Variants in ANKRD28 observed in about 807,000 individuals in gnomAD.
ANKRD28 encodes the protein serine/threonine-protein phosphatase 6 regulatory ankyrin repeat subunit A.
A neutral mutation model predicts 126.5 loss-of-function variants in ANKRD28; 44 were observed. That is an observed-to-expected ratio of 0.35 (90% CI 0.27 to 0.45). The LOEUF (loss-of-function observed/expected upper bound fraction) is 0.45, where lower values mean the gene tolerates loss of function less well. ANKRD28 is among the 20% of genes least tolerant of loss of function. The pLI is 1.00. For synonymous variants in ANKRD28, 442 were observed against 468.5 expected (o/e 0.94, Z 0.73); for missense variants, 1,110 against 1,316.6 (o/e 0.84, Z 2.43).
chr3:15,813,353 G>A (rs773475781), intron 1 of ANKRD28, among the ~76,000 whole-genome samples: 4 of 152,102 alleles, frequency 2.6e-5, no homozygotes, highest in Non-Finnish European at 5.9e-5. Context: ...GGGCAACAGT[G>A]AGACCTTGTT....
intron 6 of ANKRD28, among the ~76,000 whole-genome samples, chr3:15,730,893 T>C (rs2074543207): frequency 6.6e-6 from 1 of 152,286 alleles, no homozygotes; most frequent in Admixed American, 6.5e-5. Context: ...GATTAGGCAA[T>C]AAGGGCTCTG....
At chr3:15,715,464 T>A (rs2072893370) in intron 8 of ANKRD28, among the ~76,000 whole-genome samples, 1 of 152,254 alleles carries the variant, frequency 6.6e-6, no homozygotes, top group Admixed American at 6.5e-5. Context: ...TAGAACATCA[T>A]AAGTATCTAC....
Position 15,815,779 on chromosome 3 carries a change from T to G in ANKRD28, c.28-20473A>C, listed in dbSNP as rs933853650. Among the ~76,000 whole-genome samples the G allele has an allele frequency of 6.6e-6, 1 of 152,208 alleles. No individual in the cohort carries two copies. Among genetic ancestry groups the G allele is most frequent in the African/African-American group, 2.4e-5 (1 of 41,450 alleles). On this transcript the variant is annotated intron_variant, in intron 1 of 27. Coordinates refer to the ANKRD28 transcript ENST00000399451. The surrounding 1 kb of genome is among the most constrained non-coding windows in gnomAD (Gnocchi z 4.1). Reference sequence around the variant, plus strand: ...ACATAAAAATCTGTTATTTCTTCCCTTGTCAAAATTATTTATGAACAAATC... The same window carrying G: ...ACATAAAAATCTGTTATTTCTTCCCGTGTCAAAATTATTTATGAACAAATC...
In ANKRD28 at chr3:15,823,348, A is replaced by C. The variant is rs112550105; in HGVS notation, c.28-28042T>G. 3.5e-3 allele frequency among the ~76,000 whole-genome samples: 539 copies of C among 152,302 alleles called. 6 individuals carry two copies. Among genetic ancestry groups the C allele is most frequent in the African/African-American group, 0.013 (520 of 41,556 alleles). ...GCAGCCAGTTCCTAATGGGCCGTGG[A>C]CCATCTGTGGCCTGGCAGTCGCGGA... On this transcript the variant is annotated intron_variant, in intron 1 of 27. Transcript: ENST00000399451.
chr3:15,721,180 T>C (rs763920514), intron 7 of ANKRD28, 53 bp from the exon 8 acceptor site: 77 of 1,502,784 alleles, frequency 5.1e-5, no homozygotes, highest in Non-Finnish European at 7.0e-5. Context: ...TAATTATCAA[T>C]GTTGTGAGCT....
At chr3:15,679,409 T>C (rs1439298490) in intron 22 of ANKRD28, 25 bp from the exon 23 acceptor site, 2 of 1,613,444 alleles carry the variant, frequency 1.2e-6, no homozygotes, top group Non-Finnish European at 1.7e-6. Flanking sequence ...AAGGTGATCA[T>C]TCTCACAGCA....
intron 10 of ANKRD28, 142 bp from the exon 11 acceptor site, chr3:15,712,364 G>T: frequency 1.4e-6 from 1 of 700,308 alleles, no homozygotes; most frequent in Non-Finnish European, 2.4e-6. Context: ...TTTGGTTAAA[G>T]TTTGATGGTG....
In ANKRD28 at chr3:15,677,473, T is replaced by C. The variant is rs1315571047; in HGVS notation, c.2790+7A>G. 1 of 1,600,766 alleles carries C rather than the reference T, an allele frequency of 6.2e-7. No homozygotes were observed. The highest frequency in any genetic ancestry group is 8.6e-7 in the Non-Finnish European group (1 of 1,168,156). On this transcript the variant is annotated splice_region_variant and intron_variant, in intron 25 of 27. Coordinates refer to ENST00000683139, the MANE Select transcript of ANKRD28 (RefSeq NM_001349278.2). ...AATGGAAACATATTCTTAAGATGTATACATACCTTGCTACAAGCCAAATGG... is the reference window on the plus strand; with the variant it reads ...AATGGAAACATATTCTTAAGATGTACACATACCTTGCTACAAGCCAAATGG...
In ANKRD28 at chr3:15,850,224, T is replaced by TATATAGAGAGAGAGAG. The variant is rs1418223588; in HGVS notation, c.27+9152_27+9153insCTCTCTCTCTCTATAT. Among the ~76,000 whole-genome samples the TATATAGAGAGAGAGAG allele has an allele frequency of 9.7e-4, 34 of 35,106 alleles. 1 individual carries two copies. Among genetic ancestry groups the TATATAGAGAGAGAGAG allele is most frequent in the Non-Finnish European group, 1.6e-3 (27 of 16,764 alleles). The allele number at this position is 35,106 out of a possible 152,430, so 23.0% of individuals were successfully genotyped here. On this transcript the variant is annotated intron_variant, in intron 1 of 27. Coordinates refer to the ANKRD28 transcript ENST00000399451. ...AAAAAAATATATATATATATATATA[T>TATATAGAGAGAGAGAG]AGAGAGAGAGAGAGAGAGAGAGAGA...
At chr3:15,727,634 GTAT>G (rs1163953228) in intron 6 of ANKRD28, among the ~76,000 whole-genome samples, 1 of 148,708 alleles carries the variant, frequency 6.7e-6, no homozygotes, top group Non-Finnish European at 1.5e-5. Flanking sequence ...GGAGGTCAAA[GTAT>G]TATTATTAAC....
At position 15,846,698 on chromosome 3, in the gene ANKRD28, T is replaced by TA. The variant is rs1480652811; in HGVS notation, c.27+12678dup. Reference sequence around the variant, plus strand: ...AGGTTATTTTTATTTCATGCTCACATAAAGTCAAAAAATCTATGTTAATGA... The same window carrying TA: ...AGGTTATTTTTATTTCATGCTCACATAAAAGTCAAAAAATCTATGTTAATGA... On this transcript the variant is annotated intron_variant, in intron 1 of 27. Coordinates refer to the ANKRD28 transcript ENST00000399451. This position sits in a 1 kb window ranked among gnomAD's most constrained non-coding sequence, Gnocchi z 5.4. Among the ~76,000 whole-genome samples the TA allele has an allele frequency of 6.6e-6, 1 of 152,168 alleles. No homozygotes were observed. The highest frequency in any genetic ancestry group is 1.5e-5 in the Non-Finnish European group (1 of 68,024).
intron 14 of ANKRD28, among the ~76,000 whole-genome samples, chr3:15,703,918 T>C (rs1226089294): frequency 6.6e-6 from 1 of 152,168 alleles, no homozygotes; most frequent in Non-Finnish European, 1.5e-5. Flanking sequence ...TAAAATAATC[T>C]ACATACACAC....
At chr3:15,717,715 T>A (rs1345506252) in intron 8 of ANKRD28, among the ~76,000 whole-genome samples, 1 of 152,108 alleles carries the variant, frequency 6.6e-6, no homozygotes, top group African/African-American at 2.4e-5. Flanking sequence ...AAGAACAATG[T>A]GGGTGGGAAA....
intron 4 of ANKRD28, among the ~76,000 whole-genome samples, chr3:15,737,808 C>T (rs2075133791): frequency 6.6e-6 from 1 of 151,500 alleles, no homozygotes; most frequent in South Asian, 2.1e-4. Flanking sequence ...ATTTTTTACA[C>T]TGCATATATA....
chr3:15,737,188 G>A lies in ANKRD28; in HGVS notation c.397C>T (p.Arg133Ter), dbSNP rs867600884. 2.5e-6 allele frequency: 4 copies of A among 1,613,860 alleles called. No homozygotes were observed. Among genetic ancestry groups the A allele is most frequent in the South Asian group, 1.1e-5 (1 of 91,066 alleles). Reference protein sequence around the residue: ...LLKHSADVNARDKNWQTPLHI... With the variant: ...LLKHSADVNA ...AAAGGGGTTTGCCAATTTTTGTCTC[G>A]AGCATTAACATCTGCAGAATGCTTC... The change falls in exon 5 of 28, where the codon CGA (arginine) becomes TGA (stop). Residue 133 changes from arginine to a stop codon, truncating the protein, a stop_gained. Transcript: ENST00000683139. LOFTEE classifies it high-confidence loss of function.
At chr3:15,687,346 T>TATAC (rs1031758951) in intron 18 of ANKRD28, among the ~76,000 whole-genome samples, 2 of 151,984 alleles carry the variant, frequency 1.3e-5, no homozygotes, top group African/African-American at 4.8e-5. Flanking sequence ...TATATATATA[T>TATAC]ACATACAGTA....
chr3:15,744,633 T>C (rs548653784), intron 4 of ANKRD28, among the ~76,000 whole-genome samples: 1 of 152,326 alleles, frequency 6.6e-6, no homozygotes, highest in Admixed American at 6.5e-5. Context: ...GTATTTTCTT[T>C]ATCCAGTCAT....
At chr3:15,772,075 T>G (rs2059040374) in intron 2 of ANKRD28, among the ~76,000 whole-genome samples, 1 of 152,098 alleles carries the variant, frequency 6.6e-6, no homozygotes, top group African/African-American at 2.4e-5. Context: ...GGGGATAAAG[T>G]TAAAGCAATA....
rs1270441339 is a variant in ANKRD28 at position 15,816,307 on chromosome 3, A to G, written c.28-21001T>C. Among the ~76,000 whole-genome samples, 1 of 152,200 alleles carries G rather than the reference A, an allele frequency of 6.6e-6. No individual in the cohort carries two copies. The highest frequency in any genetic ancestry group is 1.5e-5 in the Non-Finnish European group (1 of 68,026). ...ACTCAATAATTGTTTGTTAATAACT[A>G]TTTATATGCTAAATGCACGGAATAT... On this transcript the variant is annotated intron_variant, in intron 1 of 27. Transcript: ENST00000399451. The surrounding 1 kb of genome is among the most constrained non-coding windows in gnomAD (Gnocchi z 5.0).
Sources: allele counts gnomAD v4.1 joint callset (sites outside exome capture counted in the v4.1 genomes callset), GRCh38; gene constraint gnomAD v4.1.1; non-coding constraint Gnocchi (gnomAD v3.1); transcripts MANE v1.5; gene names NCBI Gene and HGNC (gene_info 2026-07-23, HGNC 2026-07-21).